The following GRB10 variants were observed in gnomAD, a reference collection of about 807,000 sequenced individuals.
The protein encoded by GRB10 is growth factor receptor-bound protein 10.
Under a neutral mutation model 80.9 loss-of-function variants are expected in GRB10, and 20 were observed. The observed-to-expected ratio is 0.25, with a 90% CI of 0.17 to 0.36. The LOEUF is 0.36. GRB10 is among the 10% of genes least tolerant of loss of function. The probability of loss-of-function intolerance (pLI) is 1.00; values close to 1 mark genes in which losing one functional copy is unlikely to be tolerated. For synonymous variants in GRB10, 291 were observed against 291.5 expected (o/e 1.00, Z 0.02); for missense variants, 548 against 747.7 (o/e 0.73, Z 3.12).
intron 2 of GRB10, among the ~76,000 whole-genome samples, chr7:50,775,628 C>G (rs1177368248): frequency 5.3e-5 from 8 of 152,228 alleles, no homozygotes. Context: ...ACTCCTGCCC[C>G]ATGGCTCTAT....
chr7:50,644,943 A>G (rs936657619), intron 7 of GRB10, among the ~76,000 whole-genome samples: 1 of 152,238 alleles, frequency 6.6e-6, no homozygotes, highest in Non-Finnish European at 1.5e-5. Context: ...AAGCTGAGAG[A>G]CACAGCAGGC....
intron 12 of GRB10, 37 bp downstream of exon 12, chr7:50,614,733 T>G: frequency 2.3e-6 from 3 of 1,326,392 alleles, no homozygotes; most frequent in Non-Finnish European, 3.3e-6. Flanking sequence ...TGTGGGCTGC[T>G]GAGCATGCGC....
intron 4 of GRB10, among the ~76,000 whole-genome samples, chr7:50,712,524 T>G (rs1033950091): frequency 1.1e-5 from 1 of 89,082 alleles, no homozygotes; most frequent in Non-Finnish European, 3.3e-5. Flanking sequence ...AAAAAACTTT[T>G]CTCCCAAATG....
At chr7:50,786,513 C>T (rs1168966961), upstream of GRB10, among the ~76,000 whole-genome samples, 6 of 152,210 alleles carry the variant, frequency 3.9e-5, no homozygotes, top group Non-Finnish European at 1.5e-5. Flanking sequence ...CAAAAAACCA[C>T]TCTGGTACTC....
intron 5 of GRB10, among the ~76,000 whole-genome samples, chr7:50,678,444 G>C (rs55830086): frequency 0.23 from 34,713 of 152,038 alleles, 4,398 homozygotes; most frequent in East Asian, 0.51. Context: ...AGCCATTACA[G>C]CAAAAATAAA....
At chr7:50,786,255 G>A (rs1021151207), upstream of GRB10, among the ~76,000 whole-genome samples, 2 of 152,176 alleles carry the variant, frequency 1.3e-5, no homozygotes, top group East Asian at 3.9e-4. Context: ...AATCCAGGTG[G>A]CTAAAAACCA....
intron 7 of GRB10, among the ~76,000 whole-genome samples, chr7:50,644,601 T>C (rs1306593471): frequency 6.6e-6 from 1 of 152,226 alleles, no homozygotes; most frequent in African/African-American, 2.4e-5. Context: ...AACTCTCACC[T>C]GAGACCATCA....
At chr7:50,787,068 A>G (rs1254987523), upstream of GRB10, among the ~76,000 whole-genome samples, 1 of 152,276 alleles carries the variant, frequency 6.6e-6, no homozygotes, top group East Asian at 1.9e-4. Context: ...AATCACAGTT[A>G]TCACAGTATA....
chr7:50,605,357 G>C lies in GRB10; in HGVS notation c.1322C>G (p.Thr441Arg), dbSNP rs758742477. 6.2e-7 allele frequency: 1 copy of C among 1,614,210 alleles called. No individual in the cohort carries two copies. The highest frequency in any genetic ancestry group is 1.1e-5 in the South Asian group (1 of 91,080). ...TGCCGGATTCTCTATCACGCGTCCT[G>C]TTTGCCCAGAAAAATCCATTGCCAC... ...SLVAMDFSGQ[T>R]GRVIENPAEA... The change falls in exon 15 of 19, where the codon ACA becomes AGA. Residue 441 changes from threonine (T) to arginine (R), a missense_variant. Thr to Arg is a moderately conservative substitution (Grantham distance 71, BLOSUM62 -1). Around this residue, in one of 4 missense-constraint regions of GRB10, gnomAD observed 270 missense variants for 433.6 expected, o/e 0.62. Coordinates refer to ENST00000401949, the MANE Select transcript of GRB10 (RefSeq NM_001350814.2).
At chr7:50,621,612 C>T (rs1057348274) in intron 8 of GRB10, among the ~76,000 whole-genome samples, 5 of 152,200 alleles carry the variant, frequency 3.3e-5, no homozygotes, top group Non-Finnish European at 7.3e-5. Flanking sequence ...GTTCAAAGAT[C>T]TTCCCTCCAG....
chr7:50,682,782 G>A (rs2061687887), intron 5 of GRB10, among the ~76,000 whole-genome samples: 1 of 152,152 alleles, frequency 6.6e-6, no homozygotes, highest in South Asian at 2.1e-4. Flanking sequence ...ATTAGTAACT[G>A]TCAGCATATA....
intron 8 of GRB10, among the ~76,000 whole-genome samples, chr7:50,625,035 T>A (rs554675949): frequency 3.9e-4 from 60 of 152,194 alleles, no homozygotes; most frequent in Non-Finnish European, 7.6e-4. Flanking sequence ...CCTGTGTGCT[T>A]ATGGACATTT....
At chr7:50,673,562 C>T (rs898946653) in intron 6 of GRB10, among the ~76,000 whole-genome samples, 2 of 152,172 alleles carry the variant, frequency 1.3e-5, no homozygotes, top group Admixed American at 6.5e-5. Context: ...TCCTCAGCAA[C>T]GTGCTCAAAT....
At chr7:50,657,895 TTTC>T (rs1433683949) in intron 7 of GRB10, among the ~76,000 whole-genome samples, 1 of 152,266 alleles carries the variant, frequency 6.6e-6, no homozygotes, top group East Asian at 1.9e-4. Flanking sequence ...TTCTTTTTTT[TTTC>T]TTTTTTACAT....
At chr7:50,596,503 T>G (rs1002669376) in intron 17 of GRB10, among the ~76,000 whole-genome samples, 1 of 152,190 alleles carries the variant, frequency 6.6e-6, no homozygotes, top group African/African-American at 2.4e-5. Context: ...GAATACATGC[T>G]GGGAGAGAAG....
intron 15 of GRB10, chr7:50,604,834 T>C: frequency 3.4e-6 from 1 of 291,770 alleles, no homozygotes; most frequent in Non-Finnish European, 6.5e-6. Flanking sequence ...TCTCAGGACT[T>C]AGAAGCCGAG....
intron 7 of GRB10, among the ~76,000 whole-genome samples, chr7:50,636,107 G>A (rs958270994): frequency 2.0e-5 from 3 of 151,270 alleles, no homozygotes; most frequent in Admixed American, 6.6e-5. Flanking sequence ...CCTCCCAAGT[G>A]GCTGGGACTA....
At chr7:50,758,909 G>A (rs2075410582) in intron 2 of GRB10, among the ~76,000 whole-genome samples, 1 of 152,180 alleles carries the variant, frequency 6.6e-6, no homozygotes, top group Non-Finnish European at 1.5e-5. Flanking sequence ...TACAGGCCAG[G>A]CACAGTGGCT....
intron 4 of GRB10, among the ~76,000 whole-genome samples, chr7:50,729,910 A>G (rs1370901359): frequency 6.6e-6 from 1 of 151,998 alleles, no homozygotes; most frequent in Non-Finnish European, 1.5e-5. Flanking sequence ...AGCCCAAAAC[A>G]TGTGCCTGGT....
Sources: allele counts gnomAD v4.1 joint callset (sites outside exome capture counted in the v4.1 genomes callset), GRCh38; gene constraint gnomAD v4.1.1; regional missense constraint gnomAD v4.1.1; transcripts MANE v1.5; gene names NCBI Gene and HGNC (gene_info 2026-07-23, HGNC 2026-07-21).